Variants in NEO1 observed in about 807,000 individuals in gnomAD.
NEO1 encodes neogenin.
In NEO1, 63 loss-of-function variants were observed where a neutral mutation model predicts 159.7. That is an observed-to-expected ratio of 0.39 (90% CI 0.32 to 0.49). The LOEUF (loss-of-function observed/expected upper bound fraction) is 0.49. NEO1 is among the 20% of genes least tolerant of loss of function. NEO1 has a pLI of 0.85. For synonymous variants in NEO1, 633 were observed against 662.0 expected, an observed-to-expected ratio of 0.96 and a Z score of 0.67; for missense variants, 1,615 against 1,831.0, an observed-to-expected ratio of 0.88 and a Z score of 2.15.
intron 11 of NEO1, among the ~76,000 whole-genome samples, chr15:73,253,071 T>C (rs184111387): frequency 7.9e-5 from 12 of 152,274 alleles, no homozygotes; most frequent in Non-Finnish European, 1.6e-4. Flanking sequence ...TGAGTACATA[T>C]GGGGTCTAGA....
intron 8 of NEO1, among the ~76,000 whole-genome samples, chr15:73,238,216 C>T (rs999568122): frequency 2.0e-5 from 3 of 151,108 alleles, no homozygotes; most frequent in Non-Finnish European, 4.4e-5. Flanking sequence ...TGTCACATCA[C>T]CCTATTTTTT....
intron 27 of NEO1, chr15:73,299,839 A>G (rs1596658329): frequency 6.6e-6 from 1 of 152,254 alleles, no homozygotes; most frequent in East Asian, 1.9e-4. Flanking sequence ...TTGAAATATA[A>G]GAAGAAAATC....
chr15:73,249,597 A>T lies in NEO1; in HGVS notation c.1770A>T (p.Ser590=). ...TTTTATTCAAGGATGTTGATGTTTC[A>T]AGTCACTCTTACACCATTAATGGGT... ...GTDKEQDVDV[S]SHSYTINGLK... Residue 590 remains serine (S), a synonymous_variant, in exon 11 of 29, where the codon TCA becomes TCT. Coordinates refer to ENST00000261908, the MANE Select transcript of NEO1 (RefSeq NM_002499.4). 1 of 1,602,258 alleles carries T rather than the reference A, an allele frequency of 6.2e-7. No homozygotes were observed. Among genetic ancestry groups the T allele is most frequent in the Non-Finnish European group, 8.5e-7 (1 of 1,176,870 alleles).
At chr15:73,166,409 T>C (rs961891033) in intron 5 of NEO1, among the ~76,000 whole-genome samples, 2 of 152,162 alleles carry the variant, frequency 1.3e-5, no homozygotes, top group African/African-American at 4.8e-5. Flanking sequence ...AACACTGACA[T>C]TTGGATTGCT....
intron 5 of NEO1, among the ~76,000 whole-genome samples, chr15:73,149,789 C>T (rs937518103): frequency 1.3e-5 from 2 of 152,028 alleles, no homozygotes; most frequent in Non-Finnish European, 1.5e-5. Context: ...TACATGCATT[C>T]AGTATTTAAT....
intron 5 of NEO1, among the ~76,000 whole-genome samples, chr15:73,171,967 A>C (rs1045916830): frequency 7.2e-5 from 11 of 152,094 alleles, no homozygotes; most frequent in Non-Finnish European, 1.3e-4. Context: ...TACCAGCCTG[A>C]TGATGGTATC....
intron 7 of NEO1, among the ~76,000 whole-genome samples, chr15:73,203,624 C>T (rs550092643): frequency 6.6e-6 from 1 of 151,994 alleles, no homozygotes; most frequent in East Asian, 1.9e-4. Context: ...TTTGATTATA[C>T]TTATTTTAAA....
At chr15:73,186,242 C>T (rs1287204723) in intron 7 of NEO1, among the ~76,000 whole-genome samples, 1 of 150,934 alleles carries the variant, frequency 6.6e-6, no homozygotes, top group Non-Finnish European at 1.5e-5. Flanking sequence ...ATTAAGGGGC[C>T]ATGGTAATCT....
chr15:73,081,045 A>G (rs1345324584), intron 1 of NEO1, among the ~76,000 whole-genome samples: 1 of 152,220 alleles, frequency 6.6e-6, no homozygotes, highest in Middle Eastern at 3.2e-3. Flanking sequence ...ACTTGAGATT[A>G]AAGTCTTTAT....
chr15:73,065,966 T>C (rs780080983), intron 1 of NEO1, among the ~76,000 whole-genome samples: 9 of 152,112 alleles, frequency 5.9e-5, no homozygotes, highest in African/African-American at 2.2e-4. Context: ...ACTCTCTATA[T>C]TGAATTCTTA....
At chr15:73,085,636 G>A (rs143576791) in intron 1 of NEO1, among the ~76,000 whole-genome samples, 714 of 152,208 alleles carry the variant, frequency 4.7e-3, no homozygotes, top group Non-Finnish European at 8.7e-3. Flanking sequence ...CCAGTGTTAG[G>A]TATTCTCAGT....
At chr15:73,201,693 C>G (rs1280155745) in intron 7 of NEO1, among the ~76,000 whole-genome samples, 1 of 152,012 alleles carries the variant, frequency 6.6e-6, no homozygotes, top group Non-Finnish European at 1.5e-5. Context: ...TGAATTTTGC[C>G]TATCCTCTTG....
chr15:73,100,027 C>G (rs1043447124), intron 1 of NEO1, among the ~76,000 whole-genome samples: 1 of 152,148 alleles, frequency 6.6e-6, no homozygotes, highest in African/African-American at 2.4e-5. Context: ...CCTCTCCATT[C>G]CAAATCTACC....
chr15:73,148,872 A>C (rs979101428), intron 5 of NEO1, among the ~76,000 whole-genome samples: 5 of 147,048 alleles, frequency 3.4e-5, no homozygotes, highest in Non-Finnish European at 7.4e-5. Context: ...TTTTTTGGCC[A>C]GGGAACTCAA....
intron 7 of NEO1, among the ~76,000 whole-genome samples, chr15:73,213,713 T>C (rs1251439892): frequency 6.6e-6 from 1 of 152,230 alleles, no homozygotes; most frequent in Admixed American, 6.5e-5. Flanking sequence ...AGTTGCGAAT[T>C]GTGCTGCTAT....
At chr15:73,120,153 A>AT (rs1227754007) in intron 2 of NEO1, among the ~76,000 whole-genome samples, 7 of 149,664 alleles carry the variant, frequency 4.7e-5, no homozygotes, top group Non-Finnish European at 7.4e-5. Flanking sequence ...AAATTAATTA[A>AT]TTAATTTAAT....
intron 1 of NEO1, among the ~76,000 whole-genome samples, chr15:73,100,743 C>T (rs1348231506): frequency 6.6e-6 from 1 of 152,190 alleles, no homozygotes; most frequent in Non-Finnish European, 1.5e-5. Context: ...AAATCACATT[C>T]TCCTATTTGA....
chr15:73,107,987 G>A (rs746331141), intron 1 of NEO1, among the ~76,000 whole-genome samples: 1 of 152,152 alleles, frequency 6.6e-6, no homozygotes, highest in Non-Finnish European at 1.5e-5. Flanking sequence ...TTTGAGACCA[G>A]CCTGGGCAAC....
At chr15:73,301,511 G>A in intron 28 of NEO1, 54 bp downstream of exon 28, 1 of 1,610,238 alleles carries the variant, frequency 6.2e-7, no homozygotes, top group South Asian at 1.1e-5. Context: ...ATGCCCCAGG[G>A]CCTGAGACTG....
Sources: allele counts gnomAD v4.1 joint callset (sites outside exome capture counted in the v4.1 genomes callset), GRCh38; gene constraint gnomAD v4.1.1; transcripts MANE v1.5; gene names NCBI Gene and HGNC (gene_info 2026-07-23, HGNC 2026-07-21).